The following DSCAM variants were observed in gnomAD, a reference collection of about 807,000 sequenced individuals.
The protein encoded by DSCAM is cell adhesion molecule DSCAM.
DSCAM carries 47 observed loss-of-function variants against 217.7 expected under a neutral mutation model. The observed-to-expected ratio is 0.22, with a 90% CI of 0.17 to 0.28. DSCAM has a LOEUF of 0.28. Among genes scored for constraint, DSCAM ranks in the 10% least tolerant of loss-of-function variants. The pLI is 1.00. For missense variants in DSCAM, 2,080 were observed against 2,618.3 expected (o/e 0.79, Z 4.49); for synonymous variants, 1,056 against 1,015.3 (o/e 1.04, Z -0.76).
intron 3 of DSCAM, among the ~76,000 whole-genome samples, chr21:40,635,898 C>T (rs1314817432): frequency 6.6e-6 from 1 of 151,970 alleles, no homozygotes; most frequent in African/African-American, 2.4e-5. Context: ...AGAGTAGGAA[C>T]AAAGTAAACT....
At chr21:40,744,213 G>C (rs931727827) in intron 1 of DSCAM, among the ~76,000 whole-genome samples, 8 of 152,124 alleles carry the variant, frequency 5.3e-5, no homozygotes, top group Non-Finnish European at 1.2e-4. Flanking sequence ...AGGAACCCCT[G>C]GGAGAGCTAG....
At chr21:40,377,884 T>G (rs993831195) in intron 3 of DSCAM, among the ~76,000 whole-genome samples, 1 of 152,164 alleles carries the variant, frequency 6.6e-6, no homozygotes, top group Non-Finnish European at 1.5e-5. Flanking sequence ...TGAGTACATA[T>G]ACAACCTGTA....
intron 11 of DSCAM, among the ~76,000 whole-genome samples, chr21:40,206,956 T>C (rs1380504783): frequency 6.6e-6 from 1 of 152,160 alleles, no homozygotes; most frequent in Non-Finnish European, 1.5e-5. Context: ...TGATTTATTT[T>C]CCATTTCAAG....
chr21:40,806,953 C>T (rs896612391), intron 1 of DSCAM, among the ~76,000 whole-genome samples: 5 of 151,994 alleles, frequency 3.3e-5, no homozygotes, highest in Admixed American at 6.6e-5. Flanking sequence ...CACACCGGGG[C>T]CTATCGGGGG....
intron 14 of DSCAM, among the ~76,000 whole-genome samples, chr21:40,182,650 T>G (rs34163425): frequency 5.0e-4 from 27 of 53,794 alleles, no homozygotes; most frequent in East Asian, 2.5e-3. Flanking sequence ...CAGGAGGGGG[T>G]TACCAGAGAA....
rs1178822373 is a variant in DSCAM at position 40,124,270 on chromosome 21, C to T, written c.3621G>A (p.Val1207=). ...TCAGCTTGAGAGGGGGAAGCCAGGA[C>T]ACAAAGACCATGGAGGCTGAGGCCG... ...AAAASASMVF[V]SWLPPLKLNG... is the part of the protein sequence containing the mutation. The change falls in exon 20 of 33, where the codon GTG becomes GTA. Residue 1207 remains valine, a synonymous_variant. Coordinates refer to ENST00000400454, the MANE Select transcript of DSCAM (RefSeq NM_001389.5). The T allele has an allele frequency of 2.5e-6, 4 of 1,613,962 alleles. No individual in the cohort carries two copies. The highest frequency in any genetic ancestry group is 3.4e-6 in the Non-Finnish European group (4 of 1,180,018).
In DSCAM at chr21:40,635,050, T is replaced by C. The variant is rs115395550; in HGVS notation, c.508+57760A>G. Among the ~76,000 whole-genome samples, 752 of 152,312 alleles carry C rather than the reference T, an allele frequency of 4.9e-3. 6 individuals are homozygous for C. The highest frequency in any genetic ancestry group is 0.017 in the African/African-American group (686 of 41,570). On this transcript the variant is annotated intron_variant, in intron 3 of 32. Transcript: ENST00000400454. ...TTCCAGCCCCTGGAATAGCACCAGG[T>C]ACAGATGAGTTCTTAGTACTTCTGT... is the stretch of plus-strand genomic sequence containing the variant.
chr21:40,235,816 C>A (rs1380557824), intron 11 of DSCAM, among the ~76,000 whole-genome samples: 1 of 151,954 alleles, frequency 6.6e-6, no homozygotes, highest in Admixed American at 6.6e-5. Flanking sequence ...CAACAGCCAT[C>A]ATCATTACTG....
At chr21:40,394,477 C>G (rs2075160985) in intron 3 of DSCAM, among the ~76,000 whole-genome samples, 1 of 152,190 alleles carries the variant, frequency 6.6e-6, no homozygotes, top group African/African-American at 2.4e-5. Context: ...CAGAGTCTCT[C>G]AAGTCTCCAT....
intron 3 of DSCAM, among the ~76,000 whole-genome samples, chr21:40,456,342 T>A (rs2075763345): frequency 6.6e-6 from 1 of 151,946 alleles, no homozygotes; most frequent in African/African-American, 2.4e-5. Flanking sequence ...ATTACACCAA[T>A]CTCAGATTTT....
intron 3 of DSCAM, among the ~76,000 whole-genome samples, chr21:40,425,333 C>A (rs573211805): frequency 3.3e-5 from 5 of 151,872 alleles, no homozygotes; most frequent in Non-Finnish European, 5.9e-5. Flanking sequence ...CAAGACCAGC[C>A]TGGCCAACAT....
intron 11 of DSCAM, among the ~76,000 whole-genome samples, chr21:40,206,215 T>G (rs2091123825): frequency 6.6e-6 from 1 of 152,244 alleles, no homozygotes; most frequent in Non-Finnish European, 1.5e-5. Context: ...GCAAATGAGC[T>G]GTCACCAGAA....
chr21:40,424,215 A>T (rs2075451095), intron 3 of DSCAM, among the ~76,000 whole-genome samples: 1 of 152,192 alleles, frequency 6.6e-6, no homozygotes, highest in Non-Finnish European at 1.5e-5. Flanking sequence ...GCGTCCCCCC[A>T]AAATTCATGG....
At position 40,144,779 on chromosome 21, in the gene DSCAM, A is replaced by G. The variant is rs182553917; in HGVS notation, c.3019-48T>C. Reference sequence around the variant, plus strand: ...CACTAAAGAAGTCTTGAGGTAGGACAAGAGCGAAATCAACGCCCACACCCA... The same window carrying G: ...CACTAAAGAAGTCTTGAGGTAGGACGAGAGCGAAATCAACGCCCACACCCA... On this transcript the variant is annotated intron_variant, in intron 16 of 32. Transcript: ENST00000400454. The surrounding 1 kb of genome is among the most constrained non-coding windows in gnomAD (Gnocchi z 4.8). The G allele has an allele frequency of 3.4e-4, 543 of 1,608,516 alleles. No homozygotes were observed. The African/African-American group carries it at 4.3e-3, about 13-fold the overall frequency.
intron 16 of DSCAM, among the ~76,000 whole-genome samples, chr21:40,160,795 T>A (rs887485137): frequency 6.6e-6 from 1 of 152,230 alleles, no homozygotes; most frequent in Middle Eastern, 3.2e-3. Flanking sequence ...CTAACCGTTA[T>A]ACAAAAAATC....
At chr21:40,345,676 C>T (rs1438431388) in intron 6 of DSCAM, among the ~76,000 whole-genome samples, 1 of 152,130 alleles carries the variant, frequency 6.6e-6, no homozygotes, top group Non-Finnish European at 1.5e-5. Flanking sequence ...TTACTTTAAT[C>T]CATCGCTATT....
At chr21:40,443,935 A>G (rs184883688) in intron 3 of DSCAM, among the ~76,000 whole-genome samples, 1 of 152,208 alleles carries the variant, frequency 6.6e-6, no homozygotes, top group Non-Finnish European at 1.5e-5. Context: ...TGAACTTAGT[A>G]TTTTCACCAA....
At chr21:40,793,636 G>C (rs1033561716) in intron 1 of DSCAM, among the ~76,000 whole-genome samples, 1 of 151,824 alleles carries the variant, frequency 6.6e-6, no homozygotes, top group African/African-American at 2.4e-5. Context: ...GACTACAGAC[G>C]CACGCCACCA....
At chr21:40,322,439 C>T (rs992323237) in intron 8 of DSCAM, among the ~76,000 whole-genome samples, 4 of 152,184 alleles carry the variant, frequency 2.6e-5, no homozygotes, top group African/African-American at 9.7e-5. Flanking sequence ...TGAACTACAA[C>T]ACAATACACT....
Sources: gnomAD v4.1 joint callset for allele counts (sites outside exome capture counted in the v4.1 genomes callset) on GRCh38, gnomAD v4.1.1 for gene constraint, Gnocchi (gnomAD v3.1) non-coding constraint, MANE v1.5 for transcripts, NCBI Gene and HGNC (gene_info 2026-07-23, HGNC 2026-07-21) for gene names.